The following LRRC75A variants were observed in gnomAD, a reference collection of about 807,000 sequenced individuals.
LRRC75A encodes the protein leucine-rich repeat-containing protein 75A.
In LRRC75A, 12 loss-of-function variants were observed where a neutral mutation model predicts 26.0. The ratio of observed to expected loss-of-function variants is 0.46; its 90% confidence interval spans 0.30 to 0.75. The LOEUF (loss-of-function observed/expected upper bound fraction) is 0.75, where lower values mean the gene tolerates loss of function less well. LRRC75A is among the 30% of genes least tolerant of loss of function. LRRC75A has a pLI of 0.08. For synonymous variants in LRRC75A, 223 were observed against 219.3 expected (o/e 1.02, Z -0.15); for missense variants, 410 against 486.6 (o/e 0.84, Z 1.48).
chr17:16,462,763 G>T lies in LRRC75A; in HGVS notation c.247-377C>A. 1 of 227,570 alleles carries T rather than the reference G, an allele frequency of 4.4e-6. No homozygotes were observed. The highest frequency in any genetic ancestry group is 7.3e-5 in the South Asian group (1 of 13,684). The allele number at this position is 227,570 out of a possible 1,614,324, so 14.1% of individuals were successfully genotyped here. On this transcript the variant is annotated intron_variant, in intron 1 of 3. Transcript: ENST00000470794. This position sits in a 1 kb window ranked among gnomAD's most constrained non-coding sequence, Gnocchi z 4.6. ...ATTTGGAATTAACTGCCTTGTGACA[G>T]GATGGTTTAATGATATTTATTTGTG...
intron 1 of LRRC75A, among the ~76,000 whole-genome samples, chr17:16,469,803 C>T (rs1348213645): frequency 6.6e-6 from 1 of 152,222 alleles, no homozygotes; most frequent in Non-Finnish European, 1.5e-5. Context: ...CCATCTCTTC[C>T]CGCCTTGGGA....
chr17:16,456,115 GGAGTAGCAGTAGTAGGAGGAGGAGGAA>G (rs2093675928), intron 2 of LRRC75A, among the ~76,000 whole-genome samples: 1 of 147,836 alleles, frequency 6.8e-6, no homozygotes, highest in Admixed American at 6.8e-5. Flanking sequence ...GGGAGGAGGA[GGAGTAGCAGTAGTAGGAGGAGGAGGAA>G]GAGGAGGGAG....
At chr17:16,477,130 C>G (rs1298779913) in intron 1 of LRRC75A, among the ~76,000 whole-genome samples, 1 of 152,084 alleles carries the variant, frequency 6.6e-6, no homozygotes, top group Non-Finnish European at 1.5e-5. Context: ...AGTGATCTAC[C>G]CGCCTGGGCT....
chr17:16,444,852 ATT>A (rs5819573), intron 3 of LRRC75A, among the ~76,000 whole-genome samples: 6 of 132,514 alleles, frequency 4.5e-5, no homozygotes, highest in Admixed American at 7.8e-5. Context: ...CATTTTCCAC[ATT>A]TTTTTTTTTT....
At chr17:16,472,023 G>T (rs1017002139) in intron 1 of LRRC75A, among the ~76,000 whole-genome samples, 1 of 152,196 alleles carries the variant, frequency 6.6e-6, no homozygotes, top group African/African-American at 2.4e-5. Context: ...TGTGCTTAAT[G>T]CCACTGAACT....
At chr17:16,467,162 TTTTTA>T (rs1367544391) in intron 1 of LRRC75A, among the ~76,000 whole-genome samples, 5 of 152,194 alleles carry the variant, frequency 3.3e-5, no homozygotes, top group African/African-American at 1.2e-4. Context: ...AACTTGTTAT[TTTTTA>T]TTTTGAGACA....
chr17:16,446,031 T>C (rs544469729), intron 3 of LRRC75A, among the ~76,000 whole-genome samples: 1 of 152,264 alleles, frequency 6.6e-6, no homozygotes, highest in South Asian at 2.1e-4. Context: ...GCCTCAGCCT[T>C]CTGAGTAGCT....
At chr17:16,479,079 A>G (rs2093827649) in intron 1 of LRRC75A, among the ~76,000 whole-genome samples, 1 of 152,218 alleles carries the variant, frequency 6.6e-6, no homozygotes, top group Non-Finnish European at 1.5e-5. Context: ...AAGCCCAACA[A>G]GGAAACCCTG....
intron 1 of LRRC75A, among the ~76,000 whole-genome samples, chr17:16,489,075 C>T (rs997411231): frequency 6.6e-6 from 1 of 152,146 alleles, no homozygotes; most frequent in African/African-American, 2.4e-5. Flanking sequence ...TGTGAGATTG[C>T]GTGAGTCAGT....
chr17:16,489,552 G>A (rs1291424576), intron 1 of LRRC75A, among the ~76,000 whole-genome samples: 2 of 152,210 alleles, frequency 1.3e-5, no homozygotes, highest in Non-Finnish European at 2.9e-5. Flanking sequence ...ATGCAATTTT[G>A]GAGAAAGAGC....
Position 16,491,620 on chromosome 17 carries a change from C to CG in LRRC75A, c.246+124dup. On this transcript the variant is annotated intron_variant, in intron 1 of 3. Coordinates refer to ENST00000470794, the MANE Select transcript of LRRC75A (RefSeq NM_001113567.3). The surrounding 1 kb of genome is among the most constrained non-coding windows in gnomAD (Gnocchi z 5.9). Reference sequence around the variant, plus strand: ...GCTGCCAGACAGGGCTCCATCCCCGCGGAAGGGGCCCCTGGGCGGTGCCCC... The same window carrying CG: ...GCTGCCAGACAGGGCTCCATCCCCGCGGGAAGGGGCCCCTGGGCGGTGCCCC... 1.5e-6 allele frequency: 1 copy of CG among 649,116 alleles called. No individual in the cohort carries two copies. Among genetic ancestry groups the CG allele is most frequent in the South Asian group, 6.1e-5 (1 of 16,498 alleles). 40.2% of individuals were successfully genotyped at this position (649,116 alleles called of 1,614,324 possible). A position where few individuals can be genotyped will look rare whatever the true frequency, so the allele number is the denominator to read the frequency against.
intron 1 of LRRC75A, among the ~76,000 whole-genome samples, chr17:16,471,195 A>G (rs1430598133): frequency 3.3e-5 from 5 of 152,226 alleles, no homozygotes; most frequent in Non-Finnish European, 5.9e-5. Flanking sequence ...AGCAATGTGA[A>G]GGTGGAGGCA....
At chr17:16,481,384 T>C (rs2093833514) in intron 1 of LRRC75A, among the ~76,000 whole-genome samples, 1 of 152,214 alleles carries the variant, frequency 6.6e-6, no homozygotes, top group Admixed American at 6.5e-5. Context: ...TAGGTGTTTA[T>C]ACATGTAAAT....
At chr17:16,480,624 C>A (rs552739246) in intron 1 of LRRC75A, among the ~76,000 whole-genome samples, 1 of 129,430 alleles carries the variant, frequency 7.7e-6, no homozygotes, top group South Asian at 2.3e-4. Flanking sequence ...AGCGAGACTT[C>A]GTCTCAAAAA....
chr17:16,485,631 A>AGTGTGTGTGTGTGTGTGTGTGTGT (rs35125617), intron 1 of LRRC75A, among the ~76,000 whole-genome samples: 24 of 128,482 alleles, frequency 1.9e-4, no homozygotes, highest in South Asian at 2.6e-4. Context: ...CAGGACAAGC[A>AGTGTGTGTGTGTGTGTGTGTGTGT]GTGTGTGTGT....
intron 2 of LRRC75A, among the ~76,000 whole-genome samples, chr17:16,449,055 A>T (rs2093609965): frequency 1.3e-5 from 2 of 152,194 alleles, no homozygotes; most frequent in South Asian, 4.1e-4. Flanking sequence ...GAGGACCAAA[A>T]GCGTGCTCCT....
At chr17:16,449,327 A>G (rs1356109523) in intron 2 of LRRC75A, among the ~76,000 whole-genome samples, 1 of 152,172 alleles carries the variant, frequency 6.6e-6, no homozygotes, top group East Asian at 1.9e-4. Context: ...GTGGGGATTC[A>G]AGTCCTGGCT....
intron 1 of LRRC75A, among the ~76,000 whole-genome samples, chr17:16,489,418 A>C (rs2093852997): frequency 6.6e-6 from 1 of 152,192 alleles, no homozygotes; most frequent in Non-Finnish European, 1.5e-5. Flanking sequence ...TTGCTGAGGA[A>C]GAGGTTCTTG....
intron 1 of LRRC75A, among the ~76,000 whole-genome samples, chr17:16,489,674 C>T (rs2093853533): frequency 6.6e-6 from 1 of 152,260 alleles, no homozygotes; most frequent in African/African-American, 2.4e-5. Flanking sequence ...TCCACTCCCA[C>T]ACTGCTCAAG....
Sources: gnomAD v4.1 joint callset for allele counts (sites outside exome capture counted in the v4.1 genomes callset) on GRCh38, gnomAD v4.1.1 for gene constraint, Gnocchi (gnomAD v3.1) non-coding constraint, MANE v1.5 for transcripts, NCBI Gene and HGNC (gene_info 2026-07-23, HGNC 2026-07-21) for gene names.